The following TMEM120B variants were observed in gnomAD, a reference collection of about 807,000 sequenced individuals.
TMEM120B encodes transmembrane protein 120B.
Under a neutral mutation model 55.5 loss-of-function variants are expected in TMEM120B, and 31 were observed. The observed-to-expected ratio is 0.56, with a 90% CI of 0.42 to 0.75. TMEM120B has a LOEUF of 0.75. Ranked by LOEUF, TMEM120B falls within the 30% of genes least tolerant of loss-of-function variation. TMEM120B has a pLI of 0.00. For synonymous variants in TMEM120B, 203 were observed against 176.3 expected (o/e 1.15, Z -1.20); for missense variants, 399 against 425.5 (o/e 0.94, Z 0.55).
chr12:121,761,569 C>A, intron 5 of TMEM120B, 80 bp from the exon 6 acceptor site: 1 of 1,088,126 alleles, frequency 9.2e-7, no homozygotes, highest in Non-Finnish European at 1.4e-6. Flanking sequence ...GCCTGGTTTG[C>A]TGCTCTGTGA....
chr12:121,781,335 C>G lies in TMEM120B; in HGVS notation c.*5613C>G. 1.4e-6 allele frequency: 1 copy of G among 690,854 alleles called. No homozygotes were observed. The highest frequency in any genetic ancestry group is 2.7e-5 in the East Asian group (1 of 36,366). 42.8% of individuals were successfully genotyped at this position (690,854 alleles called of 1,614,324 possible). A position where few individuals can be genotyped will look rare whatever the true frequency, so the allele number is the denominator to read the frequency against. ...TACAATGGGCAGCAAGCCAGGAGTGCTGGCACAGGCCTGTGGTCGCAGCTA... is the reference window on the plus strand; with the variant it reads ...TACAATGGGCAGCAAGCCAGGAGTGGTGGCACAGGCCTGTGGTCGCAGCTA... On this transcript the variant is annotated 3_prime_UTR_variant, in exon 12 of 12. Transcript: ENST00000449592.
At chr12:121,721,197 AAG>A (rs1171127113) in intron 1 of TMEM120B, among the ~76,000 whole-genome samples, 1 of 152,086 alleles carries the variant, frequency 6.6e-6, no homozygotes, top group African/African-American at 2.4e-5. Flanking sequence ...GTTGTTTTGT[AAG>A]AGAGGGTCTC....
chr12:121,780,631 G>C lies in TMEM120B; in HGVS notation c.*4909G>C, dbSNP rs1874415576. 1.7e-6 allele frequency: 1 copy of C among 577,918 alleles called. No individual in the cohort carries two copies. Among genetic ancestry groups the C allele is most frequent in the South Asian group, 2.3e-5 (1 of 42,782 alleles). The allele number at this position is 577,918 out of a possible 1,614,324, so 35.8% of individuals were successfully genotyped here. On this transcript the variant is annotated 3_prime_UTR_variant, in exon 12 of 12. Transcript: ENST00000449592. ...AGCTGCTTAACCTCTCTGGGCCTCA[G>C]TTTCTCCCCCTGTAAACTGGGGGAT...
At chr12:121,748,876 G>C (rs1016766699) in intron 3 of TMEM120B, among the ~76,000 whole-genome samples, 1 of 152,130 alleles carries the variant, frequency 6.6e-6, no homozygotes, top group African/African-American at 2.4e-5. Context: ...GCGAATGTTT[G>C]GCCACACCAG....
chr12:121,734,930 A>AG (rs1242938371), intron 1 of TMEM120B, among the ~76,000 whole-genome samples: 3 of 152,058 alleles, frequency 2.0e-5, no homozygotes, highest in Non-Finnish European at 4.4e-5. Flanking sequence ...AGAAAAAAAA[A>AG]AGGACATTAA....
At chr12:121,723,602 T>G (rs1894836875) in intron 1 of TMEM120B, among the ~76,000 whole-genome samples, 3 of 152,170 alleles carry the variant, frequency 2.0e-5, no homozygotes, top group Admixed American at 6.6e-5. Flanking sequence ...TCCAGTCTTC[T>G]GGTGACTACC....
intron 5 of TMEM120B, 122 bp downstream of exon 5, chr12:121,752,345 G>A (rs1446030576): frequency 7.7e-6 from 6 of 774,226 alleles, no homozygotes; most frequent in Non-Finnish European, 1.3e-5. Context: ...ATGATGAGGT[G>A]TAGGGGAGAG....
At chr12:121,726,750 T>C (rs1479911300) in intron 1 of TMEM120B, among the ~76,000 whole-genome samples, 1 of 149,658 alleles carries the variant, frequency 6.7e-6, no homozygotes, top group Non-Finnish European at 1.5e-5. Flanking sequence ...ACTAAAAAAA[T>C]ACAAAAATTA....
At chr12:121,719,693 A>T (rs1592922171) in intron 1 of TMEM120B, among the ~76,000 whole-genome samples, 1 of 151,696 alleles carries the variant, frequency 6.6e-6, no homozygotes, top group East Asian at 1.9e-4. Flanking sequence ...GTTAGGCCAC[A>T]CTGCATTCTT....
intron 1 of TMEM120B, among the ~76,000 whole-genome samples, chr12:121,728,352 G>A (rs1215431936): frequency 6.6e-6 from 1 of 151,934 alleles, no homozygotes; most frequent in African/African-American, 2.4e-5. Context: ...AGCCGGGCAT[G>A]GTGGTGGGCG....
Position 121,770,985 on chromosome 12 carries a change from T to G in TMEM120B, c.617+13T>G. 6.2e-7 allele frequency: 1 copy of G among 1,613,162 alleles called. No homozygotes were observed. The highest frequency in any genetic ancestry group is 8.5e-7 in the Non-Finnish European group (1 of 1,179,618). On this transcript the variant is annotated intron_variant, in intron 7 of 11. Transcript: ENST00000449592. ...TGATGCTGACCTGGTGAGTAGCCCCTCGCTGGGCCCCTCCAGCCTCCCAGG... is the reference window on the plus strand; with the variant it reads ...TGATGCTGACCTGGTGAGTAGCCCCGCGCTGGGCCCCTCCAGCCTCCCAGG...
In TMEM120B at chr12:121,779,996, A is replaced by G. The variant is rs1211963406; in HGVS notation, c.*4274A>G. ...AAGAGTTGGAGGCCTCAAGACAGAA[A>G]GGACTTCCAGCCACCTCTCTCCCTT... On this transcript the variant is annotated 3_prime_UTR_variant, in exon 12 of 12. Transcript: ENST00000449592. 2 of 255,136 alleles carry G rather than the reference A, an allele frequency of 7.8e-6. No homozygotes were observed. Among genetic ancestry groups the G allele is most frequent in the Admixed American group, 9.7e-5 (2 of 20,568 alleles). The allele number at this position is 255,136 out of a possible 1,614,324, so 15.8% of individuals were successfully genotyped here. A position where few individuals can be genotyped will look rare whatever the true frequency, so the allele number is the denominator to read the frequency against.
At chr12:121,719,256 CAGAG>C (rs1037190825) in intron 1 of TMEM120B, among the ~76,000 whole-genome samples, 6 of 151,176 alleles carry the variant, frequency 4.0e-5, no homozygotes, top group African/African-American at 1.2e-4. Flanking sequence ...AAAAAAAAAA[CAGAG>C]AGAGGGATGC....
At chr12:121,771,225 G>A (rs895871488) in intron 7 of TMEM120B, among the ~76,000 whole-genome samples, 23 of 152,194 alleles carry the variant, frequency 1.5e-4, no homozygotes, top group African/African-American at 5.5e-4. Context: ...GGGAGCGAGT[G>A]AGGCTGGGCA....
intron 9 of TMEM120B, 41 bp downstream of exon 9, chr12:121,773,554 GA>G (rs763648109): frequency 4.1e-6 from 6 of 1,462,090 alleles, no homozygotes; most frequent in Non-Finnish European, 5.5e-6. Flanking sequence ...GCAGGTACTG[GA>G]CCTGCCAGCT....
intron 6 of TMEM120B, among the ~76,000 whole-genome samples, chr12:121,764,980 T>C (rs1873800497): frequency 6.6e-6 from 1 of 152,160 alleles, no homozygotes; most frequent in African/African-American, 2.4e-5. Context: ...AAGCTTCGTG[T>C]GAGTCTGCTC....
At chr12:121,719,851 C>G (rs1019272563) in intron 1 of TMEM120B, among the ~76,000 whole-genome samples, 5 of 152,136 alleles carry the variant, frequency 3.3e-5, no homozygotes, top group Admixed American at 3.3e-4. Flanking sequence ...CAGGCACATG[C>G]CACCACACCT....
At chr12:121,772,069 TTTTC>T (rs898772188) in intron 8 of TMEM120B, among the ~76,000 whole-genome samples, 39 of 148,586 alleles carry the variant, frequency 2.6e-4, no homozygotes, top group Admixed American at 4.7e-4. Context: ...CTTCCTTTCT[TTTTC>T]TTTCTTTCTC....
chr12:121,721,108 G>C lies in TMEM120B; in HGVS notation c.69+8144G>C, dbSNP rs577644735. 3.3e-5 allele frequency among the ~76,000 whole-genome samples: 5 copies of C among 152,316 alleles called. No individual in the cohort carries two copies. The East Asian group carries it at 9.6e-4, about 29-fold the overall frequency. ...TTGTTTGTGTCTTCTACATGCGGAG[G>C]ATGGTAATTAGACAAGTAGGGAAGA... is the stretch of plus-strand genomic sequence containing the variant. On this transcript the variant is annotated intron_variant, in intron 1 of 11. Transcript: ENST00000449592.
Sources: gnomAD v4.1 joint callset for allele counts (sites outside exome capture counted in the v4.1 genomes callset) on GRCh38, gnomAD v4.1.1 for gene constraint, MANE v1.5 for transcripts, NCBI Gene and HGNC (gene_info 2026-07-23, HGNC 2026-07-21) for gene names.